GRIA2: variants seen among roughly 807,000 people sequenced by gnomAD.
GRIA2 encodes glutamate ionotropic receptor AMPA type subunit 2.
Under a neutral mutation model 97.3 loss-of-function variants are expected in GRIA2, and 14 were observed. The observed-to-expected ratio is 0.14, with a 90% CI of 0.10 to 0.23. The LOEUF is 0.23. Ranked by LOEUF, GRIA2 falls within the 10% of genes least tolerant of loss-of-function variation. The pLI is 1.00. For missense variants in GRIA2, 558 were observed against 1,069.8 expected, an observed-to-expected ratio of 0.52 and a Z score of 6.67; for synonymous variants, 412 against 387.8, an observed-to-expected ratio of 1.06 and a Z score of -0.73.
intron 2 of GRIA2, among the ~76,000 whole-genome samples, chr4:157,237,421 A>G (rs1275749225): frequency 1.3e-5 from 2 of 151,844 alleles, no homozygotes; most frequent in African/African-American, 4.8e-5. Flanking sequence ...CAGCCTCCTG[A>G]GTAGCTGGGA....
Position 157,363,593 on chromosome 4 carries a change from C to T in GRIA2, c.*162C>T. On this transcript the variant is annotated 3_prime_UTR_variant, in exon 16 of 16. Coordinates refer to ENST00000264426, the MANE Select transcript of GRIA2 (RefSeq NM_001083619.3). ...GAATGAATGTCAGTGTGACTGATCT[C>T]TCGTGATTGATAAGAACCTTTTGAG... 8.1e-7 allele frequency: 1 copy of T among 1,232,666 alleles called. No homozygotes were observed. The highest frequency in any genetic ancestry group is 1.0e-6 in the Non-Finnish European group (1 of 986,778). The allele number at this position is 1,232,666 out of a possible 1,614,324, so 76.4% of individuals were successfully genotyped here. A position where few individuals can be genotyped will look rare whatever the true frequency, so the allele number is the denominator to read the frequency against.
chr4:157,274,658 G>T (rs1732200979), intron 2 of GRIA2, among the ~76,000 whole-genome samples: 1 of 151,478 alleles, frequency 6.6e-6, no homozygotes, highest in Non-Finnish European at 1.5e-5. Context: ...GAGAATGGTG[G>T]TTTCCAGCTT....
At chr4:157,338,185 T>G (rs1343176052) in intron 11 of GRIA2, among the ~76,000 whole-genome samples, 1 of 151,538 alleles carries the variant, frequency 6.6e-6, no homozygotes, top group Non-Finnish European at 1.5e-5. Context: ...CTAACCAAAT[T>G]GGGGTCTCGG....
chr4:157,298,828 G>A (rs995387185), intron 2 of GRIA2, among the ~76,000 whole-genome samples: 2 of 151,822 alleles, frequency 1.3e-5, no homozygotes, highest in Non-Finnish European at 2.9e-5. Context: ...GCATTTTTTG[G>A]TAAATAAATA....
intron 13 of GRIA2, 56 bp from the exon 14 acceptor site, chr4:157,360,954 A>G: frequency 7.8e-7 from 1 of 1,280,092 alleles, no homozygotes; most frequent in African/African-American, 1.5e-5. Context: ...AACAAAACAA[A>G]CAAAAAGTCT....
chr4:157,343,305 G>C (rs951073252), intron 12 of GRIA2, among the ~76,000 whole-genome samples: 9 of 151,896 alleles, frequency 5.9e-5, no homozygotes, highest in Non-Finnish European at 1.3e-4. Flanking sequence ...GATAGTCAGG[G>C]CAATGATTTT....
intron 2 of GRIA2, among the ~76,000 whole-genome samples, chr4:157,278,126 T>C (rs1019479758): frequency 1.3e-5 from 2 of 151,428 alleles, no homozygotes; most frequent in Admixed American, 6.6e-5. Context: ...TATTTTAAAG[T>C]TTATGTGGAG....
At chr4:157,296,927 C>T (rs2126849788) in intron 2 of GRIA2, among the ~76,000 whole-genome samples, 1 of 152,204 alleles carries the variant, frequency 6.6e-6, no homozygotes. Context: ...CAGGCTAATA[C>T]ACAGAAAGGC....
intron 2 of GRIA2, among the ~76,000 whole-genome samples, chr4:157,302,849 G>C (rs949178445): frequency 1.3e-5 from 2 of 152,054 alleles, no homozygotes; most frequent in Non-Finnish European, 2.9e-5. Flanking sequence ...AGAGGATGGG[G>C]GATTGTGGGA....
At chr4:157,333,201 T>G (rs1735135224) in intron 7 of GRIA2, 48 bp from the exon 8 acceptor site, 1 of 1,096,572 alleles carries the variant, frequency 9.1e-7, no homozygotes, top group African/African-American at 1.6e-5. Flanking sequence ...TGTATATGTT[T>G]GGTTGAAGTA....
In GRIA2 at chr4:157,220,943, A is replaced by G. The variant is rs1221398285; in HGVS notation, c.-100A>G. On this transcript the variant is annotated 5_prime_UTR_variant, in exon 1 of 16. The change abolishes an upstream ATG in the 5' untranslated region. Transcript: ENST00000264426. ...CTTGGTGCTAAATTGCTGTCTCAAA[A>G]TGCAGAGGATCTAATTTGCAGAGGA... 8 of 728,220 alleles carry G rather than the reference A, an allele frequency of 1.1e-5. No individual in the cohort carries two copies. The highest frequency in any genetic ancestry group is 1.8e-5 in the Non-Finnish European group (7 of 398,876). 45.1% of individuals were successfully genotyped at this position (728,220 alleles called of 1,614,324 possible).
chr4:157,267,101 T>A (rs950674401), intron 2 of GRIA2, among the ~76,000 whole-genome samples: 9 of 150,978 alleles, frequency 6.0e-5, no homozygotes, highest in African/African-American at 2.2e-4. Flanking sequence ...TTTGAGAATC[T>A]AGGAAAAAAA....
chr4:157,339,135 A>G (rs1023744914), intron 11 of GRIA2, among the ~76,000 whole-genome samples: 1 of 151,976 alleles, frequency 6.6e-6, no homozygotes, highest in Admixed American at 6.6e-5. Flanking sequence ...GAAGAATAGA[A>G]TCACAGAAAT....
At chr4:157,340,865 G>A (rs963557214) in intron 11 of GRIA2, among the ~76,000 whole-genome samples, 2 of 151,602 alleles carry the variant, frequency 1.3e-5, no homozygotes, top group Admixed American at 1.3e-4. Context: ...TTTAATTTTT[G>A]ATTTTGTTCA....
At chr4:157,251,688 T>C (rs79926439) in intron 2 of GRIA2, among the ~76,000 whole-genome samples, 2,604 of 152,274 alleles carry the variant, frequency 0.017, 43 homozygotes, top group Non-Finnish European at 0.027. Flanking sequence ...GAGATGAATG[T>C]TCTTCCAATA....
intron 2 of GRIA2, among the ~76,000 whole-genome samples, chr4:157,287,874 C>T (rs764760950): frequency 6.6e-6 from 1 of 151,526 alleles, no homozygotes; most frequent in Admixed American, 6.6e-5. Context: ...TCTTCAATGT[C>T]CTGCCTAACA....
intron 2 of GRIA2, among the ~76,000 whole-genome samples, chr4:157,238,447 C>A (rs1175345049): frequency 6.6e-6 from 1 of 152,078 alleles, no homozygotes; most frequent in African/African-American, 2.4e-5. Flanking sequence ...AAAGCAATAT[C>A]TTTTGTTTAA....
intron 12 of GRIA2, among the ~76,000 whole-genome samples, chr4:157,351,174 T>C (rs1735995618): frequency 6.6e-6 from 1 of 152,156 alleles, no homozygotes; most frequent in Non-Finnish European, 1.5e-5. Flanking sequence ...ATATGATTGA[T>C]ATTTTCATCA....
chr4:157,226,596 T>A (rs1729756994), intron 2 of GRIA2, among the ~76,000 whole-genome samples: 1 of 152,124 alleles, frequency 6.6e-6, no homozygotes, highest in Non-Finnish European at 1.5e-5. Context: ...GATTTTTGTA[T>A]CTGTGTTCAT....
Sources: allele counts gnomAD v4.1 joint callset (sites outside exome capture counted in the v4.1 genomes callset), GRCh38; gene constraint gnomAD v4.1.1; transcripts MANE v1.5; gene names NCBI Gene and HGNC (gene_info 2026-07-23, HGNC 2026-07-21).